LRP1B: variants seen among roughly 807,000 people sequenced by gnomAD.
The protein encoded by LRP1B is low-density lipoprotein receptor-related protein 1B.
Under a neutral mutation model 556.6 loss-of-function variants are expected in LRP1B, and 217 were observed. That is an observed-to-expected ratio of 0.39 (90% CI 0.35 to 0.44). The LOEUF is 0.44. LRP1B is among the 20% of genes least tolerant of loss of function. The pLI, the probability that LRP1B is intolerant of heterozygous loss-of-function variation, is 1.00. For missense variants in LRP1B, 5,053 were observed against 5,620.8 expected (o/e 0.90, Z 3.23); for synonymous variants, 2,047 against 1,865.8 (o/e 1.10, Z -2.50).
intron 1 of LRP1B, among the ~76,000 whole-genome samples, chr2:141,841,032 A>G (rs1423426935): frequency 6.6e-6 from 1 of 152,122 alleles, no homozygotes; most frequent in East Asian, 1.9e-4. Context: ...ATATGGCCTC[A>G]GAGTCAATAC....
At chr2:140,988,064 G>T (rs1696979579) in intron 17 of LRP1B, among the ~76,000 whole-genome samples, 2 of 152,100 alleles carry the variant, frequency 1.3e-5, no homozygotes, top group Admixed American at 6.6e-5. Flanking sequence ...CTTGAGCTAA[G>T]TTGAACTGAC....
chr2:140,727,806 C>T (rs1044962132), intron 35 of LRP1B, among the ~76,000 whole-genome samples: 2 of 152,070 alleles, frequency 1.3e-5, no homozygotes, highest in Admixed American at 6.6e-5. Context: ...AAACATGTTG[C>T]AGATTAATAA....
At position 141,490,369 on chromosome 2, in the gene LRP1B, T is replaced by TTGTGTGTG. The variant is rs557540972; in HGVS notation, c.206-9837_206-9836insCACACACA. ...AAAATATTGTCATGTTAAAATAGCC[T>TTGTGTGTG]CGTGTGTGTGTGTGTGTGTGTGTGT... is the stretch of plus-strand genomic sequence containing the variant. On this transcript the variant is annotated intron_variant, in intron 2 of 90. Transcript: ENST00000389484. 7.7e-3 allele frequency among the ~76,000 whole-genome samples: 832 copies of TTGTGTGTG among 108,636 alleles called. 11 individuals are homozygous for TTGTGTGTG. The highest frequency in any genetic ancestry group is 0.015 in the African/African-American group (361 of 23,514). The allele number at this position is 108,636 out of a possible 152,430, so 71.3% of individuals were successfully genotyped here.
chr2:140,622,144 C>T (rs1208779951), intron 41 of LRP1B, among the ~76,000 whole-genome samples: 1 of 152,124 alleles, frequency 6.6e-6, no homozygotes, highest in Admixed American at 6.5e-5. Flanking sequence ...ACTGGTTTAG[C>T]ACCAAAAAAT....
intron 3 of LRP1B, among the ~76,000 whole-genome samples, chr2:141,419,035 C>T (rs979197306): frequency 6.6e-6 from 1 of 151,906 alleles, no homozygotes; most frequent in African/African-American, 2.4e-5. Context: ...CTTCAGAATT[C>T]TCTACATTTA....
At chr2:140,317,018 G>A (rs1044704072) in intron 82 of LRP1B, among the ~76,000 whole-genome samples, 3 of 152,184 alleles carry the variant, frequency 2.0e-5, no homozygotes, top group South Asian at 2.1e-4. Context: ...ATGGAGCTCC[G>A]GCGGAATACC....
At chr2:141,641,444 T>A (rs1689331010) in intron 2 of LRP1B, among the ~76,000 whole-genome samples, 1 of 152,226 alleles carries the variant, frequency 6.6e-6, no homozygotes, top group Admixed American at 6.5e-5. Context: ...TTCATTTTAT[T>A]TTCATTATAG....
In LRP1B at chr2:140,364,649, G is replaced by A; in HGVS notation, c.11131+12C>T. 1 of 1,608,122 alleles carries A rather than the reference G, an allele frequency of 6.2e-7. No individual in the cohort carries two copies. Among genetic ancestry groups the A allele is most frequent in the Non-Finnish European group, 8.5e-7 (1 of 1,176,576 alleles). ...ATAAAAGTATAATCTAGAGCCACGT[G>A]AAATGCCATACCACACATATCAGGG... is the stretch of plus-strand genomic sequence containing the variant. On this transcript the variant is annotated intron_variant, in intron 72 of 90. Transcript: ENST00000389484.
In LRP1B at chr2:140,536,641, G is replaced by C. The variant is rs746883586; in HGVS notation, c.7582C>G (p.Leu2528Val). The change falls in exon 46 of 91, where the codon CTC becomes GTC. Residue 2528 changes from leucine (L) to valine (V), a missense_variant. Physicochemically the swap from Leu to Val is conservative, Grantham distance 32. This residue lies in a region of LRP1B where 3,619 missense variants were observed against 3,931.9 expected (regional missense o/e 0.92). Transcript: ENST00000389484. ...CGNGECIDYQ[L>V]TCDGIPHCKD... Reference sequence around the variant, plus strand: ...CAGTGAGGAATGCCATCACAGGTGAGCTGGTAGTCAATGCACTCACCATTT... The same window carrying C: ...CAGTGAGGAATGCCATCACAGGTGACCTGGTAGTCAATGCACTCACCATTT... The C allele has an allele frequency of 1.2e-6, 2 of 1,611,398 alleles. No individual in the cohort carries two copies. The highest frequency in any genetic ancestry group is 1.7e-6 in the Non-Finnish European group (2 of 1,178,688).
In LRP1B at chr2:141,188,533, C is replaced by T. The variant is rs1407061188; in HGVS notation, c.901G>A (p.Asp301Asn). ...ACAAAGATCCGGTCACCGACATGGTCCACAAAATAGAGATTTCGAGTGAGC... is the reference window on the plus strand; with the variant it reads ...ACAAAGATCCGGTCACCGACATGGTTCACAAAATAGAGATTTCGAGTGAGC... ...DWLTRNLYFV[D>N]HVGDRIFVCN... Residue 301 changes from aspartate (D) to asparagine (N), a missense_variant, in exon 7 of 91, where the codon GAC becomes AAC. Coordinates refer to ENST00000389484, the MANE Select transcript of LRP1B (RefSeq NM_018557.3). The T allele has an allele frequency of 1.9e-6, 3 of 1,612,618 alleles. No individual in the cohort carries two copies. The highest frequency in any genetic ancestry group is 2.2e-5 in the East Asian group (1 of 44,808).
At position 142,130,794 on chromosome 2, in the gene LRP1B, G is replaced by T. The variant is rs1236321282; in HGVS notation, c.-65C>A. 1 of 1,372,198 alleles carries T rather than the reference G, an allele frequency of 7.3e-7. No homozygotes were observed. The highest frequency in any genetic ancestry group is 1.0e-6 in the Non-Finnish European group (1 of 978,174). 85.0% of individuals were successfully genotyped at this position (1,372,198 alleles called of 1,614,324 possible). ...CGGCGGCACCTTCGGCCCGGCGGCG[G>T]CGGCGGCGGCAGGGGCCGCTTGGAG... On this transcript the variant is annotated 5_prime_UTR_variant, in exon 1 of 91. Coordinates refer to ENST00000389484, the MANE Select transcript of LRP1B (RefSeq NM_018557.3).
intron 2 of LRP1B, among the ~76,000 whole-genome samples, chr2:141,614,599 A>G (rs62166497): frequency 0.025 from 3,829 of 152,282 alleles, 106 homozygotes; most frequent in East Asian, 0.13. Flanking sequence ...ACACAAAGAA[A>G]ACACAACATA....
At chr2:141,214,672 C>T (rs1682716194) in intron 6 of LRP1B, among the ~76,000 whole-genome samples, 1 of 152,072 alleles carries the variant, frequency 6.6e-6, no homozygotes, top group African/African-American at 2.4e-5. Context: ...GTAGGGGAGA[C>T]TCAAAAAAGA....
chr2:140,887,414 T>C (rs2105194906), intron 23 of LRP1B, among the ~76,000 whole-genome samples: 1 of 152,298 alleles, frequency 6.6e-6, no homozygotes, highest in East Asian at 1.9e-4. Context: ...TTCAATTGCA[T>C]GTGAAAATCT....
intron 1 of LRP1B, among the ~76,000 whole-genome samples, chr2:141,938,568 T>C (rs963990157): frequency 6.6e-6 from 1 of 152,050 alleles, no homozygotes; most frequent in Non-Finnish European, 1.5e-5. Context: ...TAACATACAA[T>C]CCAGCAATCC....
At chr2:141,889,694 T>C (rs923169566) in intron 1 of LRP1B, among the ~76,000 whole-genome samples, 1 of 152,168 alleles carries the variant, frequency 6.6e-6, no homozygotes, top group Non-Finnish European at 1.5e-5. Flanking sequence ...GAACATTAAT[T>C]ATTTGCCATT....
intron 66 of LRP1B, among the ~76,000 whole-genome samples, chr2:140,442,142 C>CA (rs3035577): frequency 3.7e-3 from 538 of 147,372 alleles, no homozygotes; most frequent in Non-Finnish European, 4.8e-3. Context: ...GGGATTTAAG[C>CA]AAAAAAAAAA....
At chr2:141,125,283 A>T (rs950379461) in intron 7 of LRP1B, among the ~76,000 whole-genome samples, 3 of 152,180 alleles carry the variant, frequency 2.0e-5, no homozygotes, top group African/African-American at 7.2e-5. Context: ...TGCTAGCGAC[A>T]TCTGTTCAGA....
At chr2:141,012,714 A>G (rs1697791698) in intron 14 of LRP1B, among the ~76,000 whole-genome samples, 1 of 152,002 alleles carries the variant, frequency 6.6e-6, no homozygotes, top group Non-Finnish European at 1.5e-5. Flanking sequence ...AGTTTGCTTT[A>G]GGATCGTTGT....
Sources: gnomAD v4.1 joint callset for allele counts (sites outside exome capture counted in the v4.1 genomes callset) on GRCh38, gnomAD v4.1.1 for gene constraint, gnomAD v4.1.1 regional missense constraint, MANE v1.5 for transcripts, NCBI Gene and HGNC (gene_info 2026-07-23, HGNC 2026-07-21) for gene names.